RBFOX1: variants seen among roughly 807,000 people sequenced by gnomAD.
The protein encoded by RBFOX1 is RNA binding protein fox-1 homolog 1.
Under a neutral mutation model 57.7 loss-of-function variants are expected in RBFOX1, and 8 were observed. That is an observed-to-expected ratio of 0.14 (90% CI 0.08 to 0.25). RBFOX1 has a LOEUF of 0.25. RBFOX1 is among the 10% of genes least tolerant of loss of function. RBFOX1 has a pLI of 1.00. For missense variants in RBFOX1, 611 were observed against 548.5 expected (o/e 1.11, Z -1.14); for synonymous variants, 326 against 222.4 (o/e 1.47, Z -4.15).
chr16:7,285,912 C>G (rs957568585), intron 4 of RBFOX1, among the ~76,000 whole-genome samples: 3 of 152,152 alleles, frequency 2.0e-5, no homozygotes, highest in African/African-American at 4.8e-5. Flanking sequence ...AAAGAACATG[C>G]TGGGACATGA....
At chr16:7,426,884 TA>T (rs1021270176) in intron 4 of RBFOX1, among the ~76,000 whole-genome samples, 6 of 152,094 alleles carry the variant, frequency 3.9e-5, no homozygotes, top group Non-Finnish European at 7.4e-5. Context: ...CACGGCTTGT[TA>T]AAACCTCTGA....
chr16:7,258,103 G>A (rs554432955), intron 4 of RBFOX1, among the ~76,000 whole-genome samples: 21 of 152,156 alleles, frequency 1.4e-4, no homozygotes, highest in Admixed American at 6.5e-4. Flanking sequence ...TCATGAAAAT[G>A]CCTTTTCATA....
rs1421807776 is a variant in RBFOX1 at position 5,339,477 on chromosome 16, T to G, written c.219+99372T>G. On this transcript the variant is annotated intron_variant, in intron 1 of 2. Transcript: ENST00000585867. Reference sequence around the variant, plus strand: ...AGAAGCTGCTTTTTCCGTGTTTTTTTTTTTTTTTTTTTTTTTTTTTTTTGA... The same window carrying G: ...AGAAGCTGCTTTTTCCGTGTTTTTTGTTTTTTTTTTTTTTTTTTTTTTTGA... 6.6e-4 allele frequency among the ~76,000 whole-genome samples: 63 copies of G among 96,018 alleles called. 1 individual carries two copies. Among genetic ancestry groups the G allele is most frequent in the African/African-American group, 2.7e-3 (56 of 20,598 alleles). 63.0% of individuals were successfully genotyped at this position (96,018 alleles called of 152,430 possible).
chr16:5,921,233 C>T (rs192038127), intron 4 of RBFOX1, among the ~76,000 whole-genome samples: 1 of 152,318 alleles, frequency 6.6e-6, no homozygotes, highest in African/African-American at 2.4e-5. Context: ...TCATAATGAG[C>T]TTTCTGTGTA....
chr16:7,582,090 C>A (rs190131352), intron 6 of RBFOX1, among the ~76,000 whole-genome samples: 1 of 150,030 alleles, frequency 6.7e-6, no homozygotes, highest in Non-Finnish European at 1.5e-5. Flanking sequence ...AGTGAAGTGG[C>A]ATGATCTCGG....
At chr16:5,764,858 T>C (rs919466773) in intron 3 of RBFOX1, among the ~76,000 whole-genome samples, 14 of 152,200 alleles carry the variant, frequency 9.2e-5, no homozygotes, top group Admixed American at 4.6e-4. Flanking sequence ...AAGCAGGCAC[T>C]CTGTATATGG....
chr16:5,866,099 C>T (rs1263083855), intron 3 of RBFOX1, among the ~76,000 whole-genome samples: 3 of 152,196 alleles, frequency 2.0e-5, no homozygotes, highest in Admixed American at 6.5e-5. Context: ...TCCCGAGTAG[C>T]TGCGATTACA....
At chr16:7,023,963 T>G (rs1597305477) in intron 3 of RBFOX1, among the ~76,000 whole-genome samples, 1 of 152,218 alleles carries the variant, frequency 6.6e-6, no homozygotes, top group East Asian at 1.9e-4. Flanking sequence ...GCTGTCACTC[T>G]CCTAGGGGAT....
At chr16:5,835,111 A>C (rs11861441) in intron 3 of RBFOX1, among the ~76,000 whole-genome samples, 145 of 152,078 alleles carry the variant, frequency 9.5e-4, no homozygotes, top group African/African-American at 3.3e-3. Flanking sequence ...CATCTGTGTC[A>C]TTATATAGGA....
At chr16:5,779,087 C>G (rs979708233) in intron 3 of RBFOX1, among the ~76,000 whole-genome samples, 3 of 152,138 alleles carry the variant, frequency 2.0e-5, no homozygotes, top group African/African-American at 7.2e-5. Context: ...CTGTCAATGA[C>G]TAAGTGATCA....
intron 1 of RBFOX1, among the ~76,000 whole-genome samples, chr16:5,392,507 G>A (rs746228996): frequency 6.6e-6 from 1 of 151,028 alleles, no homozygotes; most frequent in Non-Finnish European, 1.5e-5. Flanking sequence ...GATGGAGTAT[G>A]TCTAATGATA....
intron 4 of RBFOX1, among the ~76,000 whole-genome samples, chr16:7,396,218 G>T (rs1045806436): frequency 2.6e-5 from 4 of 152,144 alleles, no homozygotes; most frequent in East Asian, 1.9e-4. Flanking sequence ...GTCTCCAAGA[G>T]CAAGGCTGTG....
intron 7 of RBFOX1, among the ~76,000 whole-genome samples, chr16:7,594,357 G>C (rs896153868): frequency 6.6e-6 from 1 of 152,162 alleles, no homozygotes; most frequent in East Asian, 1.9e-4. Context: ...GATGCTAAGA[G>C]GAGCCCCAAC....
At chr16:5,957,286 C>G (rs1262318579) in intron 4 of RBFOX1, among the ~76,000 whole-genome samples, 1 of 152,150 alleles carries the variant, frequency 6.6e-6, no homozygotes, top group African/African-American at 2.4e-5. Context: ...ATGATCTCAG[C>G]TCACTGCAAC....
At chr16:6,319,498 C>T (rs1395251961) in intron 2 of RBFOX1, among the ~76,000 whole-genome samples, 6 of 152,162 alleles carry the variant, frequency 3.9e-5, no homozygotes, top group Non-Finnish European at 8.8e-5. Flanking sequence ...TGCTTCTTAA[C>T]TCCTGATGGA....
rs187729577 is a variant in RBFOX1, at chr16:6,717,711, T to G, written c.-16+63061T>G. The stretch of plus-strand genomic sequence containing the variant: ...AACCAGTTGAAAGTGCCAGTCACAT[T>G]GTTTGGTTATTGATAATGCTGCTGT... On this transcript the variant is annotated intron_variant, in intron 3 of 15. Transcript: ENST00000550418. Among the ~76,000 whole-genome samples, 237 of 152,280 alleles carry G rather than the reference T, an allele frequency of 1.6e-3. 2 individuals carry two copies. The highest frequency in any genetic ancestry group is 5.4e-3 in the African/African-American group (225 of 41,548).
chr16:7,498,090 C>G (rs766483766), intron 4 of RBFOX1, among the ~76,000 whole-genome samples: 5 of 152,140 alleles, frequency 3.3e-5, no homozygotes, highest in East Asian at 3.9e-4. Context: ...TCCGAAGCAG[C>G]CTTCTGTGAA....
At chr16:6,426,088 CT>C (rs1567244198) in intron 2 of RBFOX1, among the ~76,000 whole-genome samples, 114 of 150,048 alleles carry the variant, frequency 7.6e-4, no homozygotes, top group African/African-American at 2.7e-3. Context: ...TTTTCTCCCT[CT>C]CTCTCTCTCT....
intron 4 of RBFOX1, among the ~76,000 whole-genome samples, chr16:7,082,136 C>T (rs11640394): frequency 0.7 from 105,676 of 151,800 alleles, 37,647 homozygotes; most frequent in East Asian, 0.91. Context: ...TCCTAATTCC[C>T]TGTTATCTAT....
Sources: allele counts gnomAD v4.1 joint callset (sites outside exome capture counted in the v4.1 genomes callset), GRCh38; gene constraint gnomAD v4.1.1; transcripts MANE v1.5; gene names NCBI Gene and HGNC (gene_info 2026-07-23, HGNC 2026-07-21).